Variants in ZNF75A observed in about 807,000 individuals in gnomAD.
ZNF75A encodes zinc finger protein 75A.
A neutral mutation model predicts 46.3 loss-of-function variants in ZNF75A; 36 were observed. The ratio of observed to expected loss-of-function variants is 0.78; its 90% confidence interval spans 0.60 to 1.03. The LOEUF (loss-of-function observed/expected upper bound fraction) is 1.03. ZNF75A is among the 50% of genes least tolerant of loss of function. The pLI is 0.00. For synonymous variants in ZNF75A, 234 were observed against 189.9 expected (o/e 1.23, Z -1.91); for missense variants, 595 against 551.3 (o/e 1.08, Z -0.79).
At chr16:3,313,515 A>G (rs1960966727) in intron 5 of ZNF75A, among the ~76,000 whole-genome samples, 1 of 152,034 alleles carries the variant, frequency 6.6e-6, no homozygotes, top group South Asian at 2.1e-4. Flanking sequence ...TTGTCATCAT[A>G]CCCCACTGTT....
chr16:3,319,796 T>A (rs74003371), downstream of ZNF75A, among the ~76,000 whole-genome samples: 12,420 of 117,100 alleles, frequency 0.11, 1,690 homozygotes, highest in African/African-American at 0.3. Flanking sequence ...TTTTTTTTTT[T>A]ATTTTTTTTT....
intron 5 of ZNF75A, chr16:3,316,513 T>A (rs17136317): frequency 0.23 from 36,271 of 156,360 alleles, 4,542 homozygotes; most frequent in Admixed American, 0.3. Context: ...CAAGTCAGCG[T>A]CCTTCACATT....
In ZNF75A at chr16:3,317,334, T is replaced by G; in HGVS notation, c.1079T>G (p.Met360Arg). Residue 360 changes from methionine to arginine, a missense_variant, in exon 7 of 7, where the codon ATG becomes AGG. By Grantham distance (91) the Met-to-Arg change is moderately conservative. Transcript: ENST00000669516. ...GCAGGCAAAGAAAATCATTTTGATA[T>G]GCACAGAGTGGGAAAATGGCACCAA... The part of the protein sequence containing the change: ...KTAGKENHFD[M>R]HRVGKWHQDF... The G allele has an allele frequency of 6.2e-7, 1 of 1,614,108 alleles. No individual in the cohort carries two copies. The highest frequency in any genetic ancestry group is 8.5e-7 in the Non-Finnish European group (1 of 1,180,008).
At chr16:3,309,451 C>CAAAAAAAAA (rs56710056) in intron 2 of ZNF75A, 4 of 112,366 alleles carry the variant, frequency 3.6e-5, no homozygotes, top group African/African-American at 6.9e-5. Context: ...CTCCATCTCA[C>CAAAAAAAAA]AAAAAAAAAA....
downstream of ZNF75A, among the ~76,000 whole-genome samples, chr16:3,321,785 T>A (rs1242903073): frequency 1.3e-5 from 2 of 152,162 alleles, no homozygotes; most frequent in Admixed American, 1.3e-4. Context: ...ATCTTTTAAC[T>A]GGAGGGGAAG....
downstream of ZNF75A, among the ~76,000 whole-genome samples, chr16:3,320,163 A>G (rs544074806): frequency 6.6e-4 from 100 of 151,806 alleles, no homozygotes; most frequent in Non-Finnish European, 1.0e-3. Flanking sequence ...CTCCTGCCTC[A>G]GCCTCCCAAG....
rs62034711 is a variant in ZNF75A at position 3,305,565 on chromosome 16, C to G, written c.-195C>G. The G allele has an allele frequency of 6.6e-6, 1 of 152,198 alleles. No homozygotes were observed. Among genetic ancestry groups the G allele is most frequent in the Non-Finnish European group, 1.5e-5 (1 of 68,088 alleles). The allele number at this position is 152,198 out of a possible 1,614,324, so 9.4% of individuals were successfully genotyped here. A position where few individuals can be genotyped will look rare whatever the true frequency, so the allele number is the denominator to read the frequency against. Reference sequence around the variant, plus strand: ...GGGCTGGCGGTTGCGCTCCTCAGATCGGCGGCCTTTCGGGCGGTGGCTTGC... The same window carrying G: ...GGGCTGGCGGTTGCGCTCCTCAGATGGGCGGCCTTTCGGGCGGTGGCTTGC... On this transcript the variant is annotated 5_prime_UTR_variant, in exon 1 of 7. In the 5' UTR this introduces an upstream ATG that the reference lacks. Transcript: ENST00000669516.
Position 3,317,283 on chromosome 16 carries a change from C to A in ZNF75A, c.1028C>A (p.Ala343Asp), listed in dbSNP as rs1005549363. ...TCAGCAGGCGTCATATCAAAAAAGGCCAAAGTAAAAGTTCCCCAGAAAACA... is the reference window on the plus strand; with the variant it reads ...TCAGCAGGCGTCATATCAAAAAAGGACAAAGTAAAAGTTCCCCAGAAAACA... The part of the protein sequence containing the change: ...QASAGVISKK[A>D]KVKVPQKTAG... The change falls in exon 7 of 7, where the codon GCC becomes GAC. Residue 343 changes from alanine (A) to aspartate (D), a missense_variant. Ala to Asp is a moderately radical substitution (Grantham distance 126, BLOSUM62 -2). Transcript: ENST00000669516. 4.3e-6 allele frequency: 7 copies of A among 1,613,832 alleles called. No homozygotes were observed. The highest frequency in any genetic ancestry group is 5.9e-6 in the Non-Finnish European group (7 of 1,179,974).
At chr16:3,308,166 A>T (rs1960430582) in intron 1 of ZNF75A, 147 bp from the exon 2 acceptor site, 1 of 152,504 alleles carries the variant, frequency 6.6e-6, no homozygotes, top group Non-Finnish European at 1.5e-5. Context: ...GCTGAATAAT[A>T]GAAAAGGAGA....
In ZNF75A at chr16:3,310,991, C is replaced by G. The variant is rs1013102887; in HGVS notation, c.409-762C>G. ...CTTTTTTCTCCATTCTATCCCCATT[C>G]TCTGAAAACCTTCGCTGGCTATAGG... On this transcript the variant is annotated intron_variant, in intron 2 of 6. Transcript: ENST00000669516. The G allele has an allele frequency of 2.2e-5, 21 of 975,928 alleles. No homozygotes were observed. In the African/African-American group the frequency reaches 3.2e-4, roughly 15 times the overall value. 60.5% of individuals were successfully genotyped at this position (975,928 alleles called of 1,614,324 possible).
rs1445179074 is a variant in ZNF75A at position 3,317,851 on chromosome 16, C to T, written c.1596C>T (p.His532=). The T allele has an allele frequency of 6.2e-7, 1 of 1,608,178 alleles. No homozygotes were observed. The highest frequency in any genetic ancestry group is 2.2e-5 in the East Asian group (1 of 44,784). Residue 532 remains histidine (H), a synonymous_variant, in exon 7 of 7, where the codon CAC becomes CAT. Coordinates refer to ENST00000669516, the MANE Select transcript of ZNF75A (RefSeq NM_001302109.2). ...NFSRRSSLLR[H]QKLHL is the part of the protein sequence containing the mutation. ...GCAGGCGGTCAAGCCTTCTTAGACACCAGAAACTCCACCTGTGAAGAGAAG... is the reference window on the plus strand; with the variant it reads ...GCAGGCGGTCAAGCCTTCTTAGACATCAGAAACTCCACCTGTGAAGAGAAG...
At chr16:3,321,810 A>T (rs1223531785), downstream of ZNF75A, among the ~76,000 whole-genome samples, 1 of 152,216 alleles carries the variant, frequency 6.6e-6, no homozygotes, top group Non-Finnish European at 1.5e-5. Flanking sequence ...GGAGGGGCTT[A>T]GAATCAAAGT....
downstream of ZNF75A, among the ~76,000 whole-genome samples, chr16:3,320,139 G>A (rs1213609668): frequency 2.0e-5 from 3 of 151,996 alleles, no homozygotes; most frequent in South Asian, 2.1e-4. Flanking sequence ...TCCGCCTCCT[G>A]GGTTCATGCC....
Position 3,313,038 on chromosome 16 carries a change from C to T in ZNF75A, c.697-11C>T, listed in dbSNP as rs201030561. ...GGCAGGTTCTGAGCTGAAGTCCATT[C>T]TCTTCTTTAGAGCTTGTTGACATTT... On this transcript the variant is annotated splice_polypyrimidine_tract_variant and intron_variant, in intron 4 of 6. Transcript: ENST00000669516. 1.8e-5 allele frequency: 29 copies of T among 1,608,368 alleles called. No individual in the cohort carries two copies. In the Admixed American group the frequency reaches 3.9e-4, roughly 21 times the overall value.
rs1000286048 is a variant in ZNF75A at position 3,308,477 on chromosome 16, A to G, written c.49A>G (p.Arg17Gly). ...GGCTGCGTACTTGGACCCTCAGATC[A>G]GGGCTTTGTGGGAGACCAAGGGGCC... is the stretch of plus-strand genomic sequence containing the variant. ...KVAAYLDPQI[R>G]ALWETKGPAR... The change falls in exon 2 of 7, where the codon AGG becomes GGG. Residue 17 changes from arginine (R) to glycine (G), a missense_variant. Coordinates refer to ENST00000669516, the MANE Select transcript of ZNF75A (RefSeq NM_001302109.2). The G allele has an allele frequency of 1.3e-5, 13 of 985,764 alleles. No homozygotes were observed. Among genetic ancestry groups the G allele is most frequent in the Non-Finnish European group, 1.6e-5 (13 of 829,952 alleles). 61.1% of individuals were successfully genotyped at this position (985,764 alleles called of 1,614,324 possible).
chr16:3,309,499 G>C (rs1162243091), intron 2 of ZNF75A: 1 of 149,982 alleles, frequency 6.7e-6, no homozygotes, highest in Non-Finnish European at 1.5e-5. Context: ...GCCGGGTGCA[G>C]TGACTCACAC....
chr16:3,306,377 A>C (rs1960240095), intron 1 of ZNF75A: 1 of 152,226 alleles, frequency 6.6e-6, no homozygotes, highest in Admixed American at 6.5e-5. Flanking sequence ...TTTTGTAAAC[A>C]GAGGTCAGCT....
At chr16:3,310,919 C>G in intron 2 of ZNF75A, 1 of 985,374 alleles carries the variant, frequency 1.0e-6, no homozygotes, top group Non-Finnish European at 1.2e-6. Context: ...AGGGCAGGAC[C>G]TATGTTTGGT....
intron 2 of ZNF75A, among the ~76,000 whole-genome samples, chr16:3,309,856 G>T (rs569237966): frequency 1.3e-5 from 2 of 150,976 alleles, no homozygotes; most frequent in Non-Finnish European, 3.0e-5. Flanking sequence ...CCTATATTTC[G>T]AACACTTTAG....
Sources: gnomAD v4.1 joint callset for allele counts (sites outside exome capture counted in the v4.1 genomes callset) on GRCh38, gnomAD v4.1.1 for gene constraint, MANE v1.5 for transcripts, NCBI Gene and HGNC (gene_info 2026-07-23, HGNC 2026-07-21) for gene names.